Variants in KIAA0586 observed in about 807,000 individuals in gnomAD.
KIAA0586 encodes the protein KIAA0586.
A neutral mutation model predicts 169.8 loss-of-function variants in KIAA0586; 144 were observed. The ratio of observed to expected loss-of-function variants is 0.85; its 90% confidence interval spans 0.74 to 0.97. The LOEUF is 0.97. KIAA0586 is among the 50% of genes least tolerant of loss of function. The pLI, the probability that KIAA0586 is intolerant of heterozygous loss-of-function variation, is 0.00. For missense variants in KIAA0586, 1,854 were observed against 1,823.0 expected (o/e 1.02, Z -0.31); for synonymous variants, 625 against 612.4 (o/e 1.02, Z -0.30).
the KIAA0586 span, among the ~76,000 whole-genome samples, chr14:58,560,875 A>C: frequency 6.6e-6 from 1 of 152,178 alleles, no homozygotes. Flanking sequence ...TTCTTTTATC[A>C]TTATATGTTG....
intron 29 of KIAA0586, among the ~76,000 whole-genome samples, chr14:58,528,221 A>G (rs558212002): frequency 4.6e-5 from 7 of 152,354 alleles, no homozygotes; most frequent in East Asian, 3.9e-4. Context: ...TTAGAGACCT[A>G]CAAAGAGACT....
intron 21 of KIAA0586, 44 bp from the exon 22 acceptor site, chr14:58,486,963 T>C: frequency 1.4e-6 from 2 of 1,457,706 alleles, no homozygotes; most frequent in Non-Finnish European, 1.9e-6. Context: ...TTACTTTTAT[T>C]TGGGTGATTA....
intron 23 of KIAA0586, 32 bp from the exon 24 acceptor site, chr14:58,488,589 A>C: frequency 3.1e-6 from 5 of 1,609,534 alleles, no homozygotes; most frequent in Non-Finnish European, 4.2e-6. Flanking sequence ...TCAGTGACCT[A>C]ACAAGCTCCA....
Position 58,441,190 on chromosome 14 carries a change from CTTTT to C in KIAA0586, c.411-1498_411-1495del, listed in dbSNP as rs71107949. ...CAATAGTGCTGTAATTCTTACAATT[CTTTT>C]TTTTTTTTTTTTTTTTTCTGGGACA... On this transcript the variant is annotated intron_variant, in intron 4 of 30. Coordinates refer to ENST00000652326, the MANE Select transcript of KIAA0586 (RefSeq NM_001329943.3). 0.011 allele frequency: 1,703 copies of C among 157,306 alleles called. No homozygotes were observed. Among genetic ancestry groups the C allele is most frequent in the Middle Eastern group, 0.02 (7 of 348 alleles). 9.7% of individuals were successfully genotyped at this position (157,306 alleles called of 1,614,324 possible).
At chr14:58,479,775 G>C (rs1312791580) in intron 20 of KIAA0586, among the ~76,000 whole-genome samples, 1 of 152,058 alleles carries the variant, frequency 6.6e-6, no homozygotes, top group Non-Finnish European at 1.5e-5. Flanking sequence ...AATACCATTT[G>C]TTGAAAAGAT....
intron 19 of KIAA0586, among the ~76,000 whole-genome samples, chr14:58,475,961 G>C (rs1426029458): frequency 2.0e-5 from 3 of 152,088 alleles, no homozygotes; most frequent in East Asian, 3.9e-4. Context: ...AATTAGGTGC[G>C]ATGGTGCACA....
intron 28 of KIAA0586, among the ~76,000 whole-genome samples, chr14:58,511,582 TAGTCCTAGTACCC>T (rs2044389241): frequency 1.3e-5 from 2 of 152,148 alleles, no homozygotes; most frequent in Non-Finnish European, 2.9e-5. Context: ...GAGCCAGAGG[TAGTCCTAGTACCC>T]ATCTTAGAAA....
At chr14:58,526,533 C>T (rs979392596) in intron 29 of KIAA0586, among the ~76,000 whole-genome samples, 4 of 152,254 alleles carry the variant, frequency 2.6e-5, no homozygotes, top group South Asian at 2.1e-4. Context: ...AGGACACCCA[C>T]GCAGAAACCC....
intron 18 of KIAA0586, among the ~76,000 whole-genome samples, chr14:58,473,723 T>C (rs2041397099): frequency 6.6e-6 from 1 of 152,030 alleles, no homozygotes; most frequent in African/African-American, 2.4e-5. Flanking sequence ...CTGGCCAAGA[T>C]GGTGAAACCC....
chr14:58,467,951 T>G, intron 16 of KIAA0586, 29 bp downstream of exon 16: 1 of 1,509,460 alleles, frequency 6.6e-7, no homozygotes, highest in Non-Finnish European at 8.9e-7. Flanking sequence ...GTAGAAAATT[T>G]TAAGGAAGAA....
At chr14:58,430,753 A>G (rs1325240543) in intron 3 of KIAA0586, 36 bp downstream of exon 3, 14 of 1,180,740 alleles carry the variant, frequency 1.2e-5, no homozygotes, top group Non-Finnish European at 1.8e-5. Flanking sequence ...AAATTGTGAC[A>G]ACATATACAT....
At chr14:58,507,253 C>CATACATATGATTTATATATAAATCAT (rs10683337) in intron 27 of KIAA0586, among the ~76,000 whole-genome samples, 30 of 144,526 alleles carry the variant, frequency 2.1e-4, no homozygotes, top group African/African-American at 7.4e-4. Flanking sequence ...ATATATAAAT[C>CATACATATGATTTATATATAAATCAT]ATGTATGATT....
Position 58,540,066 on chromosome 14 carries a change from T to C in KIAA0586, c.4430-5T>C. On this transcript the variant is annotated splice_polypyrimidine_tract_variant and splice_region_variant and intron_variant, in intron 29 of 30. Coordinates refer to ENST00000652326, the MANE Select transcript of KIAA0586 (RefSeq NM_001329943.3). ...TTTCTTCTGAAAAAATAAATTTTTA[T>C]GTAGTTTCACCAGGTGATATGGATC... 1 of 1,521,108 alleles carries C rather than the reference T, an allele frequency of 6.6e-7. No homozygotes were observed. Among genetic ancestry groups the C allele is most frequent in the African/African-American group, 1.4e-5 (1 of 72,506 alleles). The allele number at this position is 1,521,108 out of a possible 1,614,324, so 94.2% of individuals were successfully genotyped here.
At chr14:58,534,608 T>C (rs1027878205) in intron 29 of KIAA0586, among the ~76,000 whole-genome samples, 6 of 152,168 alleles carry the variant, frequency 3.9e-5, no homozygotes, top group Non-Finnish European at 8.8e-5. Context: ...AACAACAAAA[T>C]CTCACCTTCT....
chr14:58,493,059 C>T (rs1361486881), intron 26 of KIAA0586, among the ~76,000 whole-genome samples: 4 of 151,938 alleles, frequency 2.6e-5, no homozygotes, highest in African/African-American at 7.3e-5. Context: ...GAGTATGAAG[C>T]CATAAACAAA....
rs1176772420 is a variant in KIAA0586, at chr14:58,428,422, T to G, written c.158T>G (p.Leu53Arg). ...CCGGCATTGTCTGCAAATAAACGTC[T>G]TCCTGTTGGAACGGGGACTAGTTTG... The part of the protein sequence containing the change: ...VPPALSANKR[L>R]PVGTGTSLNG... Residue 53 changes from leucine (L) to arginine (R), a missense_variant, in exon 1 of 31, where the codon CTT (leucine) becomes CGT (arginine). By Grantham distance (102) the Leu-to-Arg change is moderately radical. Transcript: ENST00000652326. The G allele has an allele frequency of 6.2e-7, 1 of 1,613,968 alleles. No individual in the cohort carries two copies. Among genetic ancestry groups the G allele is most frequent in the Non-Finnish European group, 8.5e-7 (1 of 1,179,832 alleles).
At chr14:58,521,580 G>C in intron 29 of KIAA0586, 1 of 975,902 alleles carries the variant, frequency 1.0e-6, no homozygotes, top group Non-Finnish European at 1.6e-6. Context: ...ACATGAAGGG[G>C]AAAAAGTGGC....
At chr14:58,453,314 T>A (rs2039556447) in intron 8 of KIAA0586, 36 bp from the exon 9 acceptor site, 1 of 1,095,040 alleles carries the variant, frequency 9.1e-7, no homozygotes, top group Non-Finnish European at 1.3e-6. Flanking sequence ...AATGAATTAG[T>A]ATTTGGAAAA....
At chr14:58,463,355 TC>T (rs759103161) in intron 14 of KIAA0586, among the ~76,000 whole-genome samples, 1 of 152,334 alleles carries the variant, frequency 6.6e-6, no homozygotes, top group East Asian at 1.9e-4. Flanking sequence ...GTTGGTTTAG[TC>T]ACCTCTGTAT....
Sources: gnomAD v4.1 joint callset for allele counts (sites outside exome capture counted in the v4.1 genomes callset) on GRCh38, gnomAD v4.1.1 for gene constraint, MANE v1.5 for transcripts, NCBI Gene and HGNC (gene_info 2026-07-23, HGNC 2026-07-21) for gene names.